The following SLC38A1 variants were observed in gnomAD, a reference collection of about 807,000 sequenced individuals.
The protein encoded by SLC38A1 is sodium-coupled neutral amino acid symporter 1.
Under a neutral mutation model 60.3 loss-of-function variants are expected in SLC38A1, and 18 were observed. The observed-to-expected ratio is 0.30, with a 90% confidence interval of 0.21 to 0.44. The LOEUF (loss-of-function observed/expected upper bound fraction) is 0.44, where lower values mean the gene tolerates loss of function less well. Among genes scored for constraint, SLC38A1 ranks in the 20% least tolerant of loss-of-function variants. SLC38A1 has a pLI of 1.00. For missense variants in SLC38A1, 448 were observed against 587.2 expected (o/e 0.76, Z 2.45); for synonymous variants, 196 against 212.1 (o/e 0.92, Z 0.66).
intron 3 of SLC38A1, among the ~76,000 whole-genome samples, chr12:46,236,471 C>T (rs73103118): frequency 6.6e-6 from 1 of 151,948 alleles, no homozygotes; most frequent in South Asian, 2.1e-4. Flanking sequence ...TATTATTATC[C>T]CCATCTTAAA....
intron 1 of SLC38A1, among the ~76,000 whole-genome samples, chr12:46,248,465 C>T (rs1941703919): frequency 6.6e-6 from 1 of 152,152 alleles, no homozygotes; most frequent in Non-Finnish European, 1.5e-5. Context: ...GGGATCAATT[C>T]AACAAGAAGA....
intron 16 of SLC38A1, among the ~76,000 whole-genome samples, chr12:46,194,550 C>T (rs1939283335): frequency 6.6e-6 from 1 of 152,184 alleles, no homozygotes; most frequent in African/African-American, 2.4e-5. Context: ...TCCATTCTCC[C>T]CCTCACTTTC....
Position 46,244,974 on chromosome 12 carries a change from A to G in SLC38A1, c.-208-1660T>C, listed in dbSNP as rs997025194. The stretch of plus-strand genomic sequence containing the variant: ...TCCCATATACCAACTTCAATTATCA[A>G]TTCAGGCCTGTCTTGTTAGATTTTT... On this transcript the variant is annotated intron_variant, in intron 1 of 16. Transcript: ENST00000398637. Among the ~76,000 whole-genome samples, 7 of 152,324 alleles carry G rather than the reference A, an allele frequency of 4.6e-5. No homozygotes were observed. In the South Asian group the frequency reaches 1.5e-3, roughly 32 times the overall value.
chr12:46,260,408 T>C (rs1453524049), intron 1 of SLC38A1, among the ~76,000 whole-genome samples: 3 of 152,254 alleles, frequency 2.0e-5, no homozygotes, highest in Admixed American at 2.0e-4. Flanking sequence ...CTTTGCGTTA[T>C]GAAATAGGAT....
intron 5 of SLC38A1, among the ~76,000 whole-genome samples, chr12:46,225,137 G>C (rs1052337524): frequency 2.0e-5 from 3 of 152,134 alleles, no homozygotes; most frequent in Non-Finnish European, 4.4e-5. Flanking sequence ...AAAGCAGACA[G>C]ACCTGAACCA....
intron 6 of SLC38A1, 36 bp downstream of exon 6, chr12:46,209,018 C>A: frequency 6.9e-7 from 1 of 1,445,036 alleles, no homozygotes; most frequent in South Asian, 1.2e-5. Flanking sequence ...ATAATTCACC[C>A]TGGTTTTAAC....
At position 46,201,204 on chromosome 12, in the gene SLC38A1, A is replaced by G; in HGVS notation, c.903-6T>C. 1 of 1,607,270 alleles carries G rather than the reference A, an allele frequency of 6.2e-7. No homozygotes were observed. On this transcript the variant is annotated splice_polypyrimidine_tract_variant and splice_region_variant and intron_variant, in intron 12 of 16. Transcript: ENST00000398637. Reference sequence around the variant, plus strand: ...GCATTTTTTTCTGTGATCGGCTAAAAACAAATAAATGTTAAAAATTAAAAA... The same window carrying G: ...GCATTTTTTTCTGTGATCGGCTAAAGACAAATAAATGTTAAAAATTAAAAA...
rs1251367261 is a variant in SLC38A1, at chr12:46,197,959, C to A, written c.1224G>T (p.Val408=). 1 of 1,614,094 alleles carries A rather than the reference C, an allele frequency of 6.2e-7. No individual in the cohort carries two copies. The highest frequency in any genetic ancestry group is 8.5e-7 in the Non-Finnish European group (1 of 1,179,984). The part of the protein sequence containing the change: ...CILLVVINLL[V]IFIPSMKDIF... ...TATCCTTCATGGAGGGTATGAAGAT[C>A]ACCAACAAGTTGATAACAACCAAGA... Residue 408 remains valine (V), a synonymous_variant, in exon 15 of 17, where the codon GTG becomes GTT. Coordinates refer to ENST00000398637, the MANE Select transcript of SLC38A1 (RefSeq NM_030674.4).
chr12:46,220,537 A>G (rs58776177), intron 5 of SLC38A1, among the ~76,000 whole-genome samples: 27,416 of 151,972 alleles, frequency 0.18, 4,163 homozygotes, highest in East Asian at 0.45. Flanking sequence ...CACAAGATCC[A>G]GTTTGGTATT....
chr12:46,225,910 A>C (rs1237747750), intron 5 of SLC38A1, among the ~76,000 whole-genome samples: 1 of 152,224 alleles, frequency 6.6e-6, no homozygotes, highest in Non-Finnish European at 1.5e-5. Context: ...CACAGAATAA[A>C]AGGAAAGAAA....
At chr12:46,224,451 C>T (rs958989332) in intron 5 of SLC38A1, among the ~76,000 whole-genome samples, 1 of 152,142 alleles carries the variant, frequency 6.6e-6, no homozygotes, top group African/African-American at 2.4e-5. Flanking sequence ...GCTGCAAACT[C>T]ATCCAAGAAA....
At chr12:46,196,958 CTATT>C (rs1166659420) in intron 16 of SLC38A1, among the ~76,000 whole-genome samples, 3 of 152,214 alleles carry the variant, frequency 2.0e-5, no homozygotes, top group Admixed American at 1.3e-4. Context: ...ATAAAAAAGA[CTATT>C]TAAGCTAACT....
intron 3 of SLC38A1, among the ~76,000 whole-genome samples, chr12:46,232,005 CG>C (rs888711643): frequency 1.3e-5 from 2 of 152,158 alleles, no homozygotes. Context: ...TATTCATTGA[CG>C]TTTTTCATCT....
At position 46,187,096 on chromosome 12, in the gene SLC38A1, AT is replaced by A. The variant is rs1334936564; in HGVS notation, c.*1873del. On this transcript the variant is annotated 3_prime_UTR_variant, in exon 17 of 17. Transcript: ENST00000398637. Reference sequence around the variant, plus strand: ...TGAACTCTAACCTAATGTGGATATGATTCTGTAGCATTATATTAAAAGCTAT... The same window carrying A: ...TGAACTCTAACCTAATGTGGATATGATCTGTAGCATTATATTAAAAGCTAT... 1 of 152,216 alleles carries A rather than the reference AT, an allele frequency of 6.6e-6. No individual in the cohort carries two copies. Among genetic ancestry groups the A allele is most frequent in the Non-Finnish European group, 1.5e-5 (1 of 68,038 alleles). The allele number at this position is 152,216 out of a possible 1,614,324, so 9.4% of individuals were successfully genotyped here.
chr12:46,221,104 T>C (rs1047573447), intron 5 of SLC38A1, among the ~76,000 whole-genome samples: 1 of 152,190 alleles, frequency 6.6e-6, no homozygotes, highest in South Asian at 2.1e-4. Flanking sequence ...TACTAACTGA[T>C]TTGTTTGTAA....
Position 46,234,474 on chromosome 12 carries a change from GTC to G in SLC38A1, c.123-4837_123-4836del, listed in dbSNP as rs1264158029. Among the ~76,000 whole-genome samples the G allele has an allele frequency of 8.4e-5, 12 of 143,404 alleles. No homozygotes were observed. The East Asian group carries it at 2.5e-3, about 30-fold the overall frequency. The allele number at this position is 143,404 out of a possible 152,430, so 94.1% of individuals were successfully genotyped here. On this transcript the variant is annotated intron_variant, in intron 3 of 16. Transcript: ENST00000398637. ...TTTTTTTTTTTTTTGTTGAGACGGA[GTC>G]TCTGTCTTTCGCCCAGGCCGGACTG...
At position 46,188,856 on chromosome 12, in the gene SLC38A1, T is replaced by C; in HGVS notation, c.*114A>G. Reference sequence around the variant, plus strand: ...CCAAAAAGTTATTCCATTTTAAGTATCCTGTACATTTCTGTTTGCTTCTGT... The same window carrying C: ...CCAAAAAGTTATTCCATTTTAAGTACCCTGTACATTTCTGTTTGCTTCTGT... On this transcript the variant is annotated 3_prime_UTR_variant, in exon 17 of 17. Coordinates refer to ENST00000398637, the MANE Select transcript of SLC38A1 (RefSeq NM_030674.4). The C allele has an allele frequency of 1.2e-6, 1 of 839,580 alleles. No homozygotes were observed. Among genetic ancestry groups the C allele is most frequent in the Non-Finnish European group, 2.0e-6 (1 of 512,160 alleles). The allele number at this position is 839,580 out of a possible 1,614,324, so 52.0% of individuals were successfully genotyped here. A position where few individuals can be genotyped will look rare whatever the true frequency, so the allele number is the denominator to read the frequency against.
intron 5 of SLC38A1, among the ~76,000 whole-genome samples, chr12:46,225,045 C>T (rs1940809658): frequency 6.6e-6 from 1 of 152,116 alleles, no homozygotes; most frequent in South Asian, 2.1e-4. Flanking sequence ...CCCTTGATAT[C>T]CCAGTAAAAA....
At chr12:46,198,445 C>G (rs867673442) in intron 14 of SLC38A1, among the ~76,000 whole-genome samples, 180 bp downstream of exon 14, 1 of 152,164 alleles carries the variant, frequency 6.6e-6, no homozygotes, top group African/African-American at 2.4e-5. Flanking sequence ...GGCTCCCTGA[C>G]GCACTGAATG....
Sources: allele counts gnomAD v4.1 joint callset (sites outside exome capture counted in the v4.1 genomes callset), GRCh38; gene constraint gnomAD v4.1.1; transcripts MANE v1.5; gene names NCBI Gene and HGNC (gene_info 2026-07-23, HGNC 2026-07-21).